WBP1L: variants seen among roughly 807,000 people sequenced by gnomAD.
WBP1L encodes the protein WW domain binding protein 1 like, also known as WW domain binding protein 1-like.
In WBP1L, 17 loss-of-function variants were observed where a neutral mutation model predicts 33.7. The observed-to-expected ratio is 0.50, with a 90% CI of 0.34 to 0.76. WBP1L has a LOEUF of 0.76. Among genes scored for constraint, WBP1L ranks in the 30% least tolerant of loss-of-function variants. The probability of loss-of-function intolerance (pLI) is 0.01; values close to 1 mark genes in which losing one functional copy is unlikely to be tolerated. For missense variants in WBP1L, 389 were observed against 469.4 expected (o/e 0.83, Z 1.58); for synonymous variants, 173 against 190.8 (o/e 0.91, Z 0.77).
At chr10:102,748,283 A>C (rs937496353) in intron 1 of WBP1L, among the ~76,000 whole-genome samples, 2 of 151,728 alleles carry the variant, frequency 1.3e-5, no homozygotes, top group African/African-American at 2.4e-5. Flanking sequence ...AACAAACAAA[A>C]AAAAACTTTG....
rs184829981 is a variant in WBP1L at position 102,805,976 on chromosome 10, G to A, written c.194-3917G>A. ...AGCACTTTGGGAGGCTGAGGCGGGC[G>A]GATCACTTGAGCTCAGGATTTTGAG... On this transcript the variant is annotated intron_variant, in intron 2 of 3. Coordinates refer to ENST00000448841, the MANE Select transcript of WBP1L (RefSeq NM_001083913.2). Among the ~76,000 whole-genome samples the A allele has an allele frequency of 2.4e-3, 363 of 151,614 alleles. 4 individuals carry two copies. Among genetic ancestry groups the A allele is most frequent in the African/African-American group, 8.0e-3 (331 of 41,284 alleles).
intron 1 of WBP1L, among the ~76,000 whole-genome samples, chr10:102,772,257 CTTTTTTTTTTTTT>C (rs34766191): frequency 3.3e-5 from 2 of 61,024 alleles, no homozygotes; most frequent in Non-Finnish European, 5.7e-5. Flanking sequence ...TGCGCCCGGC[CTTTTTTTTTTTTT>C]TTTTTTTTTT....
rs562056950 is a variant in WBP1L, at chr10:102,768,019, T to G, written c.90+23876T>G. Among the ~76,000 whole-genome samples, 83 of 152,330 alleles carry G rather than the reference T, an allele frequency of 5.4e-4. 1 individual carries two copies. Among genetic ancestry groups the G allele is most frequent in the African/African-American group, 2.0e-3 (83 of 41,576 alleles). On this transcript the variant is annotated intron_variant, in intron 1 of 3. Transcript: ENST00000448841. ...CTCTGCTCTGCGTAGTGTGCTCATT[T>G]TATCCACTGAAACCCTACGTATTAT...
intron 1 of WBP1L, among the ~76,000 whole-genome samples, chr10:102,751,466 C>T (rs992288391): frequency 4.6e-5 from 7 of 151,846 alleles, no homozygotes; most frequent in Non-Finnish European, 2.9e-5. Context: ...CGCACCCACA[C>T]CCAGTTAATT....
chr10:102,782,214 CTTTTTTTTTTTT>C (rs397961661), intron 1 of WBP1L, among the ~76,000 whole-genome samples: 11 of 49,158 alleles, frequency 2.2e-4, no homozygotes, highest in Admixed American at 2.0e-3. Flanking sequence ...AAAGAAGCTG[CTTTTTTTTTTTT>C]TTTTTTTTTT....
At position 102,776,518 on chromosome 10, in the gene WBP1L, T is replaced by A. The variant is rs1843266172; in HGVS notation, c.91-21475T>A. 5 of 1,496,472 alleles carry A rather than the reference T, an allele frequency of 3.3e-6. No homozygotes were observed. The South Asian group carries it at 5.7e-5, about 17-fold the overall frequency. 92.7% of individuals were successfully genotyped at this position (1,496,472 alleles called of 1,614,324 possible). A position where few individuals can be genotyped will look rare whatever the true frequency, so the allele number is the denominator to read the frequency against. ...TGGAGGGAATATTTTAGCAAATGCC[T>A]CTCAGTTAGACCAGGCCAGCTCCCA... On this transcript the variant is annotated intron_variant, in intron 1 of 3. Coordinates refer to ENST00000448841, the MANE Select transcript of WBP1L (RefSeq NM_001083913.2).
intron 1 of WBP1L, among the ~76,000 whole-genome samples, chr10:102,791,050 A>G (rs1290266967): frequency 1.3e-5 from 2 of 152,186 alleles, no homozygotes; most frequent in African/African-American, 4.8e-5. Context: ...TATTGTCACT[A>G]TGTGCCAGTG....
chr10:102,782,214 C>CTTTTTTT lies in WBP1L; in HGVS notation c.91-15761_91-15755dup, dbSNP rs397961661. Among the ~76,000 whole-genome samples the CTTTTTTT allele has an allele frequency of 2.3e-3, 114 of 49,140 alleles. 8 individuals are homozygous for CTTTTTTT. The highest frequency in any genetic ancestry group is 5.3e-3 in the South Asian group (5 of 942). The allele number at this position is 49,140 out of a possible 152,430, so 32.2% of individuals were successfully genotyped here. A position where few individuals can be genotyped will look rare whatever the true frequency, so the allele number is the denominator to read the frequency against. ...CAACCATCTCTGTTGAAAGAAGCTG[C>CTTTTTTT]TTTTTTTTTTTTTTTTTTTTTTTTG... On this transcript the variant is annotated intron_variant, in intron 1 of 3. Transcript: ENST00000448841.
At position 102,816,023 on chromosome 10, in the gene WBP1L, G is replaced by T. The variant is rs925885884; in HGVS notation, c.*2692G>T. 1.3e-5 allele frequency: 2 copies of T among 152,668 alleles called. No homozygotes were observed. The highest frequency in any genetic ancestry group is 4.8e-5 in the African/African-American group (2 of 41,460). The allele number at this position is 152,668 out of a possible 1,614,324, so 9.5% of individuals were successfully genotyped here. On this transcript the variant is annotated 3_prime_UTR_variant, in exon 4 of 4. Coordinates refer to ENST00000448841, the MANE Select transcript of WBP1L (RefSeq NM_001083913.2). ...GCTGGCTTTCCACGTGAATGAGACG[G>T]GGTCGGTGGAGGGTTTGGTGCTACA... is the stretch of plus-strand genomic sequence containing the variant.
rs1843912285 is a variant in WBP1L, at chr10:102,815,075, T to C, written c.*1744T>C. 1 of 152,552 alleles carries C rather than the reference T, an allele frequency of 6.6e-6. No homozygotes were observed. Among genetic ancestry groups the C allele is most frequent in the Non-Finnish European group, 1.5e-5 (1 of 68,034 alleles). 9.4% of individuals were successfully genotyped at this position (152,552 alleles called of 1,614,324 possible). ...GCCCTGTTTTCCTGTGAAGATACTT[T>C]GAGTGGCAGCCATTCTCTCCACGTG... On this transcript the variant is annotated 3_prime_UTR_variant, in exon 4 of 4. Transcript: ENST00000448841.
intron 1 of WBP1L, chr10:102,746,254 T>G (rs564425414): frequency 1.4e-6 from 1 of 740,026 alleles, no homozygotes; most frequent in East Asian, 1.3e-4. Context: ...TTCTTATATC[T>G]GTGGCACTTC....
chr10:102,755,772 G>A (rs1369664429), intron 1 of WBP1L, among the ~76,000 whole-genome samples: 7 of 151,712 alleles, frequency 4.6e-5, no homozygotes, highest in East Asian at 3.9e-4. Context: ...TTGGCCGGGC[G>A]CGGTGGCTCA....
intron 1 of WBP1L, among the ~76,000 whole-genome samples, chr10:102,763,552 C>A (rs1007372158): frequency 9.9e-5 from 15 of 152,134 alleles, no homozygotes; most frequent in Admixed American, 6.5e-4. Flanking sequence ...GTCTGGAATG[C>A]AAGAGACCTG....
intron 1 of WBP1L, among the ~76,000 whole-genome samples, chr10:102,771,529 A>G (rs1046493314): frequency 6.6e-6 from 1 of 150,584 alleles, no homozygotes; most frequent in African/African-American, 2.4e-5. Flanking sequence ...TTAAATAAAA[A>G]TTTAAAAAGT....
rs956808582 is a variant in WBP1L, at chr10:102,763,350, T to A, written c.90+19207T>A. 9.2e-5 allele frequency among the ~76,000 whole-genome samples: 14 copies of A among 152,096 alleles called. 1 individual carries two copies. Among genetic ancestry groups the A allele is most frequent in the Non-Finnish European group, 5.9e-5 (4 of 68,014 alleles). ...TGAGCAGACTCAACTGTGTGACTGT[T>A]CCGAGGCTTAACCGTAAGCTTATAC... is the stretch of plus-strand genomic sequence containing the variant. On this transcript the variant is annotated intron_variant, in intron 1 of 3. Coordinates refer to ENST00000448841, the MANE Select transcript of WBP1L (RefSeq NM_001083913.2).
At chr10:102,784,673 C>T (rs997315797) in intron 1 of WBP1L, among the ~76,000 whole-genome samples, 1 of 151,980 alleles carries the variant, frequency 6.6e-6, no homozygotes, top group African/African-American at 2.4e-5. Context: ...GATCTGCCCA[C>T]CTTGGCCTCC....
chr10:102,792,152 C>T (rs1843508976), intron 1 of WBP1L, among the ~76,000 whole-genome samples: 1 of 152,142 alleles, frequency 6.6e-6, no homozygotes, highest in Non-Finnish European at 1.5e-5. Context: ...CTTCTTTATG[C>T]CTTTGTTTTC....
At chr10:102,806,591 G>T (rs768880328) in intron 2 of WBP1L, among the ~76,000 whole-genome samples, 16 of 152,194 alleles carry the variant, frequency 1.1e-4, no homozygotes, top group Non-Finnish European at 1.8e-4. Flanking sequence ...CCAAAAAGGA[G>T]ACTGCTAAGT....
Position 102,808,750 on chromosome 10 carries a change from A to G in WBP1L, c.194-1143A>G, listed in dbSNP as rs1427140103. 2.0e-5 allele frequency among the ~76,000 whole-genome samples: 3 copies of G among 152,252 alleles called. No individual in the cohort carries two copies. In the East Asian group the frequency reaches 5.8e-4, roughly 29 times the overall value. ...TTCTTGTATTACAGAGGCATACATG[A>G]TAGAGAAAAGCACCTGATTTTTTTG... On this transcript the variant is annotated intron_variant, in intron 2 of 3. Coordinates refer to ENST00000448841, the MANE Select transcript of WBP1L (RefSeq NM_001083913.2).
Sources: allele counts gnomAD v4.1 joint callset (sites outside exome capture counted in the v4.1 genomes callset), GRCh38; gene constraint gnomAD v4.1.1; transcripts MANE v1.5; gene names NCBI Gene and HGNC (gene_info 2026-07-23, HGNC 2026-07-21).